Variants in ZNF512 observed in about 807,000 individuals in gnomAD.
ZNF512 encodes zinc finger protein 512.
In ZNF512, 25 loss-of-function variants were observed where a neutral mutation model predicts 77.5. The observed-to-expected ratio is 0.32, with a 90% CI of 0.23 to 0.45. The LOEUF (loss-of-function observed/expected upper bound fraction) is 0.45, where lower values mean the gene tolerates loss of function less well. Ranked by LOEUF, ZNF512 falls within the 20% of genes least tolerant of loss-of-function variation. The pLI is 1.00. For missense variants in ZNF512, 483 were observed against 692.6 expected (o/e 0.70, Z 3.40); for synonymous variants, 246 against 239.9 (o/e 1.03, Z -0.24).
At chr2:27,601,640 A>ATTTT (rs1553351643) in intron 7 of ZNF512, among the ~76,000 whole-genome samples, 198 bp downstream of exon 7, 3 of 127,352 alleles carry the variant, frequency 2.4e-5, no homozygotes, top group African/African-American at 3.5e-5. Flanking sequence ...CGCCTGGCTA[A>ATTTT]TTTTTTTTGT....
At chr2:27,614,650 C>G (rs1672805017) in intron 10 of ZNF512, among the ~76,000 whole-genome samples, 1 of 150,126 alleles carries the variant, frequency 6.7e-6, no homozygotes, top group African/African-American at 2.4e-5. Flanking sequence ...TGCACTCCAG[C>G]CTGGGCGACA....
chr2:27,617,414 A>G (rs1248670361), intron 12 of ZNF512, 59 bp from the exon 13 acceptor site: 1 of 782,450 alleles, frequency 1.3e-6, no homozygotes, highest in African/African-American at 1.7e-5. Flanking sequence ...CCCTACACAT[A>G]GCCCAGTTAT....
chr2:27,587,268 GTTTT>G (rs57745266), intron 2 of ZNF512, among the ~76,000 whole-genome samples: 28,121 of 133,412 alleles, frequency 0.21, 2,493 homozygotes, highest in East Asian at 0.36. Flanking sequence ...TAATTCATGG[GTTTT>G]TTTTTTTTTT....
intron 2 of ZNF512, 74 bp downstream of exon 2, chr2:27,583,790 A>G (rs902873924): frequency 1.3e-6 from 2 of 1,539,548 alleles, no homozygotes; most frequent in African/African-American, 2.8e-5. Context: ...TCCTGTGATG[A>G]AAATGTTCTG....
intron 2 of ZNF512, among the ~76,000 whole-genome samples, chr2:27,594,437 G>A (rs1470389187): frequency 3.7e-5 from 5 of 136,778 alleles, no homozygotes; most frequent in East Asian, 2.3e-4. Context: ...GGGCAGAGAC[G>A]CTCCTCACCT....
rs1224637215 is a variant in ZNF512 at position 27,583,147 on chromosome 2, G to A, written c.30+5G>A. On this transcript the variant is annotated splice_donor_5th_base_variant and intron_variant, in intron 1 of 13. Transcript: ENST00000355467. ...AGACTCGGTGCTGTACCCGCCGTGAGTTTCTTGGTTTGACCGTTATGCTTT... is the reference window on the plus strand; with the variant it reads ...AGACTCGGTGCTGTACCCGCCGTGAATTTCTTGGTTTGACCGTTATGCTTT... 1.9e-6 allele frequency: 3 copies of A among 1,614,104 alleles called. No homozygotes were observed. Among genetic ancestry groups the A allele is most frequent in the African/African-American group, 1.3e-5 (1 of 74,934 alleles).
rs34050504 is a variant in ZNF512, at chr2:27,617,950, C to CTT, written c.1395+395_1395+396dup. Among the ~76,000 whole-genome samples, 157 of 128,248 alleles carry CTT rather than the reference C, an allele frequency of 1.2e-3. 1 individual carries two copies. The highest frequency in any genetic ancestry group is 3.1e-3 in the East Asian group (13 of 4,234). 84.1% of individuals were successfully genotyped at this position (128,248 alleles called of 152,430 possible). Reference sequence around the variant, plus strand: ...CTGTGACTGTAAGCATCCTTGAACTCTTTTTTTTTTTTTTTTTAGACGGAG... The same window carrying CTT: ...CTGTGACTGTAAGCATCCTTGAACTCTTTTTTTTTTTTTTTTTTTAGACGGAG... On this transcript the variant is annotated intron_variant, in intron 13 of 13. Coordinates refer to ENST00000355467, the MANE Select transcript of ZNF512 (RefSeq NM_032434.4).
At chr2:27,618,399 G>C (rs924584529) in intron 13 of ZNF512, among the ~76,000 whole-genome samples, 3 of 152,130 alleles carry the variant, frequency 2.0e-5, no homozygotes, top group Admixed American at 6.5e-5. Context: ...ACAACTAAAG[G>C]ACATTATTGA....
chr2:27,601,212 C>A, intron 6 of ZNF512, 144 bp from the exon 7 acceptor site: 1 of 614,372 alleles, frequency 1.6e-6, no homozygotes, highest in Non-Finnish European at 2.7e-6. Flanking sequence ...GAAGACATGA[C>A]ACTGAGTTTC....
intron 2 of ZNF512, 30 bp from the exon 3 acceptor site, chr2:27,598,036 CT>C: frequency 6.7e-7 from 1 of 1,487,542 alleles, no homozygotes; most frequent in East Asian, 2.3e-5. Flanking sequence ...CCAGACCTTC[CT>C]TTGTGGTATA....
chr2:27,594,223 G>A (rs1356148917), intron 2 of ZNF512, among the ~76,000 whole-genome samples: 2 of 151,186 alleles, frequency 1.3e-5, no homozygotes, highest in East Asian at 2.0e-4. Context: ...CGGACAGGGC[G>A]GCCGGGCAGA....
intron 12 of ZNF512, 113 bp downstream of exon 12, chr2:27,616,437 G>A (rs1299001111): frequency 3.7e-6 from 3 of 818,212 alleles, no homozygotes; most frequent in Non-Finnish European, 5.9e-6. Flanking sequence ...TATCTTCAGA[G>A]GCTGCTTTAG....
chr2:27,608,384 G>T (rs1193779432), intron 10 of ZNF512, among the ~76,000 whole-genome samples: 1 of 152,134 alleles, frequency 6.6e-6, no homozygotes, highest in Non-Finnish European at 1.5e-5. Context: ...TTGTTTTGTA[G>T]TAACAGAACT....
Position 27,583,141 on chromosome 2 carries a change from C to T in ZNF512, c.29C>T (p.Ala10Val). 1.9e-6 allele frequency: 3 copies of T among 1,614,214 alleles called. No homozygotes were observed. Among genetic ancestry groups the T allele is most frequent in the Non-Finnish European group, 2.5e-6 (3 of 1,180,044 alleles). MSSRLGAVP[A>V]TSGPTTFKQQ... The stretch of plus-strand genomic sequence containing the variant: ...TCTTCCAGACTCGGTGCTGTACCCG[C>T]CGTGAGTTTCTTGGTTTGACCGTTA... Residue 10 changes from alanine (A) to valine (V), a missense_variant and splice_region_variant, in exon 1 of 14, where the codon GCC becomes GTC. This residue lies in a region of ZNF512 where 159 missense variants were observed against 167.5 expected (regional missense o/e 0.95). Coordinates refer to ENST00000355467, the MANE Select transcript of ZNF512 (RefSeq NM_032434.4).
rs540762874 is a variant in ZNF512 at position 27,585,368 on chromosome 2, G to A, written c.89+1652G>A. ...TTAATGAGCTCTTCTAGTTAAAGTG[G>A]TTAGAGCAATGTTTCTCAGTATGTA... is the stretch of plus-strand genomic sequence containing the variant. On this transcript the variant is annotated intron_variant, in intron 2 of 13. Transcript: ENST00000355467. Among the ~76,000 whole-genome samples the A allele has an allele frequency of 3.9e-5, 6 of 152,318 alleles. No homozygotes were observed. In the South Asian group the frequency reaches 1.0e-3, roughly 26 times the overall value.
chr2:27,621,376 G>A lies in ZNF512; in HGVS notation c.1619G>A (p.Cys540Tyr), dbSNP rs1158165605. 1 of 1,614,104 alleles carries A rather than the reference G, an allele frequency of 6.2e-7. No individual in the cohort carries two copies. The highest frequency in any genetic ancestry group is 1.7e-5 in the Admixed American group (1 of 60,010). ...NNEELVVSAS[C>Y]KEPEQEPVPA... ...GAGGAACTGGTAGTGTCAGCCTCCT[G>A]TAAGGAACCAGAGCAGGAGCCAGTG... Residue 540 changes from cysteine to tyrosine, a missense_variant, in exon 14 of 14, where the codon TGT becomes TAT. By Grantham distance (194) the Cys-to-Tyr change is radical. Coordinates refer to ENST00000355467, the MANE Select transcript of ZNF512 (RefSeq NM_032434.4).
At chr2:27,620,982 T>C (rs538271930) in intron 13 of ZNF512, among the ~76,000 whole-genome samples, 171 bp from the exon 14 acceptor site, 1 of 152,342 alleles carries the variant, frequency 6.6e-6, no homozygotes, top group Non-Finnish European at 1.5e-5. Flanking sequence ...ATAGCTGCTC[T>C]GTGTTGGATT....
At chr2:27,600,328 A>G (rs906642605) in intron 5 of ZNF512, among the ~76,000 whole-genome samples, 2 of 152,230 alleles carry the variant, frequency 1.3e-5, no homozygotes, top group African/African-American at 4.8e-5. Context: ...TTAAATGGAT[A>G]AAAACATTTA....
At chr2:27,585,728 G>T (rs1422259188) in intron 2 of ZNF512, among the ~76,000 whole-genome samples, 1 of 152,208 alleles carries the variant, frequency 6.6e-6, no homozygotes, top group Non-Finnish European at 1.5e-5. Flanking sequence ...GATCAGAAAG[G>T]AGTTGAAAAT....
Sources: gnomAD v4.1 joint callset for allele counts (sites outside exome capture counted in the v4.1 genomes callset) on GRCh38, gnomAD v4.1.1 for gene constraint, gnomAD v4.1.1 regional missense constraint, MANE v1.5 for transcripts, NCBI Gene and HGNC (gene_info 2026-07-23, HGNC 2026-07-21) for gene names.